Variants in FIS1 observed in about 807,000 individuals in gnomAD.
The protein encoded by FIS1 is fission, mitochondrial 1, also known as mitochondrial fission 1 protein.
In FIS1, 16 loss-of-function variants were observed where a neutral mutation model predicts 21.6. The ratio of observed to expected loss-of-function variants is 0.74; its 90% CI spans 0.50 to 1.12. The LOEUF (loss-of-function observed/expected upper bound fraction) is 1.12. Ranked by LOEUF, FIS1 falls within the 50% of genes most tolerant of loss-of-function variation. The pLI is 0.00. For synonymous variants in FIS1, 92 were observed against 82.2 expected (o/e 1.12, Z -0.65); for missense variants, 198 against 190.9 (o/e 1.04, Z -0.22).
rs1167583898 is a variant in FIS1, at chr7:101,244,066, C to G, written c.119G>C (p.Trp40Ser). 1 of 1,613,976 alleles carries G rather than the reference C, an allele frequency of 6.2e-7. No individual in the cohort carries two copies. Among genetic ancestry groups the G allele is most frequent in the African/African-American group, 1.3e-5 (1 of 74,952 alleles). ...ATTGTACTTGCTCCGCACCAGGCAC[C>G]AGGCGTACTCAAACTGCGTGCTCTT... ...VSKSTQFEYAWCLVRSKYNDD... is the reference protein window; with the variant it reads ...VSKSTQFEYASCLVRSKYNDD... The change falls in exon 2 of 5, where the codon TGG becomes TCG. Residue 40 changes from tryptophan to serine, a missense_variant. By Grantham distance (177) the Trp-to-Ser change is radical. Coordinates refer to ENST00000223136, the MANE Select transcript of FIS1 (RefSeq NM_016068.3).
rs767722358 is a variant in FIS1 at position 101,239,716 on chromosome 7, T to C, written c.*90A>G. ...GAAATTAGCTGAAGGCCACAGAGGATAGAGACGGGGGGCAGGGGGAGAACA... is the reference window on the plus strand; with the variant it reads ...GAAATTAGCTGAAGGCCACAGAGGACAGAGACGGGGGGCAGGGGGAGAACA... On this transcript the variant is annotated 3_prime_UTR_variant, in exon 5 of 5. Transcript: ENST00000223136. The C allele has an allele frequency of 1.5e-5, 16 of 1,067,152 alleles. No individual in the cohort carries two copies. In the South Asian group the frequency reaches 2.0e-4, roughly 13 times the overall value. 66.1% of individuals were successfully genotyped at this position (1,067,152 alleles called of 1,614,324 possible).
Position 101,240,167 on chromosome 7 carries a change from C to A in FIS1, c.336G>T (p.Arg112=), listed in dbSNP as rs1284073860. ...CTTTCTTCATGGCCTTGTCAATGAG[C>A]CGCTCCAGTTCCTTGGCCTGGTTGT... ...PQNNQAKELE[R]LIDKAMKKDG... is the part of the protein sequence containing the mutation. Residue 112 remains arginine, a synonymous_variant, in exon 4 of 5, where the codon CGG becomes CGT. Coordinates refer to ENST00000223136, the MANE Select transcript of FIS1 (RefSeq NM_016068.3). 1 of 1,614,068 alleles carries A rather than the reference C, an allele frequency of 6.2e-7. No individual in the cohort carries two copies. The highest frequency in any genetic ancestry group is 2.2e-5 in the East Asian group (1 of 44,894).
intron 2 of FIS1, chr7:101,241,203 G>A (rs942352370): frequency 2.4e-5 from 9 of 373,366 alleles, no homozygotes; most frequent in Non-Finnish European, 3.9e-5. Flanking sequence ...CAAAGGCAGC[G>A]TGACTCAGTT....
Position 101,245,019 on chromosome 7 carries a change from C to T in FIS1, c.-15G>A, listed in dbSNP as rs766058475. 5 of 1,613,802 alleles carry T rather than the reference C, an allele frequency of 3.1e-6. No homozygotes were observed. Among genetic ancestry groups the T allele is most frequent in the Admixed American group, 3.3e-5 (2 of 60,004 alleles). Reference sequence around the variant, plus strand: ...ACGGCCTCCATGGCCACTGCCCCCGCGAGCCTCACACTACAGTCTACTGTG... The same window carrying T: ...ACGGCCTCCATGGCCACTGCCCCCGTGAGCCTCACACTACAGTCTACTGTG... On this transcript the variant is annotated 5_prime_UTR_variant, in exon 1 of 5. Coordinates refer to ENST00000223136, the MANE Select transcript of FIS1 (RefSeq NM_016068.3).
intron 1 of FIS1, chr7:101,244,642 C>G (rs1243683948): frequency 4.1e-6 from 2 of 491,444 alleles, no homozygotes; most frequent in Non-Finnish European, 7.4e-6. Context: ...TTATGATGGT[C>G]ACTGTATTCC....
Position 101,240,242 on chromosome 7 carries a change from G to A in FIS1, c.261C>T (p.Tyr87=). 6.2e-7 allele frequency: 1 copy of A among 1,614,170 alleles called. No individual in the cohort carries two copies. The highest frequency in any genetic ancestry group is 8.5e-7 in the Non-Finnish European group (1 of 1,180,006). ...CGCGGACGTACTTTAAGGCCTTCTC[G>A]TATTCCTGCGCTCGGGGAAACGCGC... ...LAVGNYRLKE[Y]EKALKYVRGL... is the part of the protein sequence containing the mutation. The change falls in exon 4 of 5, where the codon TAC becomes TAT. Residue 87 remains tyrosine (Y), a synonymous_variant. Transcript: ENST00000223136.
At chr7:101,240,104 G>A (rs1247695297) in intron 4 of FIS1, 38 bp downstream of exon 4, 1 of 1,602,198 alleles carries the variant, frequency 6.2e-7, no homozygotes. Context: ...CCAGGCGTGG[G>A]GAAGAGCGGG....
intron 3 of FIS1, 97 bp from the exon 4 acceptor site, chr7:101,240,344 G>C (rs1286949825): frequency 2.4e-6 from 3 of 1,259,966 alleles, no homozygotes; most frequent in Non-Finnish European, 3.4e-6. Flanking sequence ...TGTTGCCCAC[G>C]CTGGACGGCA....
In FIS1 at chr7:101,239,508, G is replaced by A. The variant is rs1798702075; in HGVS notation, c.*298C>T. On this transcript the variant is annotated 3_prime_UTR_variant, in exon 5 of 5. Coordinates refer to ENST00000223136, the MANE Select transcript of FIS1 (RefSeq NM_016068.3). ...GGCTGCGGGGTGGACAAAGAACCCC[G>A]TGCCAACCTGGAGGGCAGGGGCAGG... 4.3e-6 allele frequency: 2 copies of A among 469,754 alleles called. No individual in the cohort carries two copies. Among genetic ancestry groups the A allele is most frequent in the East Asian group, 4.2e-5 (1 of 23,592 alleles). The allele number at this position is 469,754 out of a possible 1,614,324, so 29.1% of individuals were successfully genotyped here. A position where few individuals can be genotyped will look rare whatever the true frequency, so the allele number is the denominator to read the frequency against.
intron 1 of FIS1, 122 bp from the exon 2 acceptor site, chr7:101,244,261 C>A (rs1419443470): frequency 2.6e-5 from 34 of 1,292,142 alleles, no homozygotes; most frequent in Non-Finnish European, 3.2e-5. Context: ...GGCACCCCAG[C>A]TTCTGCTATC....
intron 1 of FIS1, 142 bp from the exon 2 acceptor site, chr7:101,244,281 G>C: frequency 8.6e-7 from 1 of 1,169,176 alleles, no homozygotes; most frequent in Middle Eastern, 2.6e-4. Context: ...CTCCATGCCC[G>C]GGACCCAGGC....
intron 2 of FIS1, among the ~76,000 whole-genome samples, chr7:101,241,418 A>G (rs986600585): frequency 2.0e-5 from 3 of 151,578 alleles, no homozygotes; most frequent in African/African-American, 7.3e-5. Flanking sequence ...ATGGAGTTTC[A>G]CCATGTTGGC....
Position 101,240,245 on chromosome 7 carries a change from T to C in FIS1, c.258A>G (p.Glu86=), listed in dbSNP as rs201487947. The C allele has an allele frequency of 6.2e-7, 1 of 1,614,180 alleles. No individual in the cohort carries two copies. The highest frequency in any genetic ancestry group is 1.3e-5 in the African/African-American group (1 of 75,062). The part of the protein sequence containing the change: ...YLAVGNYRLK[E]YEKALKYVRG... ...GGACGTACTTTAAGGCCTTCTCGTA[T>C]TCCTGCGCTCGGGGAAACGCGCACG... The change falls in exon 4 of 5, where the codon GAA becomes GAG. Residue 86 remains glutamate, a splice_region_variant and synonymous_variant. Coordinates refer to ENST00000223136, the MANE Select transcript of FIS1 (RefSeq NM_016068.3).
At position 101,240,478 on chromosome 7, in the gene FIS1, CCACT is replaced by C. The variant is rs1483167705; in HGVS notation, c.256-235_256-232del. ...TGGGCCGGCTACACCTCAGTATCCA[CCACT>C]CCCCCTGCCCACGTGAAGGGCCTTC... is the stretch of plus-strand genomic sequence containing the variant. On this transcript the variant is annotated intron_variant, in intron 3 of 4. Transcript: ENST00000223136. 2.0e-5 allele frequency among the ~76,000 whole-genome samples: 3 copies of C among 152,154 alleles called. No individual in the cohort carries two copies. In the East Asian group the frequency reaches 5.8e-4, roughly 29 times the overall value.
At chr7:101,243,116 A>G (rs138795270) in intron 2 of FIS1, among the ~76,000 whole-genome samples, 491 of 152,270 alleles carry the variant, frequency 3.2e-3, no homozygotes, top group African/African-American at 0.011. Context: ...TGGGGTTCCT[A>G]GAACCAATCC....
chr7:101,243,547 C>G (rs573922327), intron 2 of FIS1, among the ~76,000 whole-genome samples: 2 of 152,254 alleles, frequency 1.3e-5, no homozygotes, highest in South Asian at 4.1e-4. Context: ...TGTACTCCAG[C>G]CTGGGGGACA....
At chr7:101,241,596 T>A (rs1477303879) in intron 2 of FIS1, 3 of 145,904 alleles carry the variant, frequency 2.1e-5, no homozygotes, top group African/African-American at 7.5e-5. Flanking sequence ...TCACCTTCAA[T>A]CAGCCTTCCC....
At chr7:101,244,466 A>C in intron 1 of FIS1, 1 of 353,796 alleles carries the variant, frequency 2.8e-6, no homozygotes, top group Non-Finnish European at 5.3e-6. Flanking sequence ...TCAACAGCCC[A>C]CGCGGTCCTC....
chr7:101,240,359 C>A, intron 3 of FIS1, 112 bp from the exon 4 acceptor site: 1 of 1,043,206 alleles, frequency 9.6e-7, no homozygotes, highest in South Asian at 1.4e-5. Flanking sequence ...ACGGCAGCGT[C>A]GCAATCACAG....
Sources: allele counts gnomAD v4.1 joint callset (sites outside exome capture counted in the v4.1 genomes callset), GRCh38; gene constraint gnomAD v4.1.1; transcripts MANE v1.5; gene names NCBI Gene and HGNC (gene_info 2026-07-23, HGNC 2026-07-21).